PPFIA2: variants seen among roughly 807,000 people sequenced by gnomAD.
PPFIA2 encodes liprin-alpha-2.
PPFIA2 carries 46 observed loss-of-function variants against 175.5 expected under a neutral mutation model. That is an observed-to-expected ratio of 0.26 (90% CI 0.21 to 0.34). The LOEUF (loss-of-function observed/expected upper bound fraction) is 0.34. Ranked by LOEUF, PPFIA2 falls within the 10% of genes least tolerant of loss-of-function variation. The pLI, the probability that PPFIA2 is intolerant of heterozygous loss-of-function variation, is 1.00. For synonymous variants in PPFIA2, 568 were observed against 511.4 expected (o/e 1.11, Z -1.49); for missense variants, 1,179 against 1,506.1 (o/e 0.78, Z 3.60).
At chr12:81,576,749 T>A (rs1459469041) in intron 4 of PPFIA2, among the ~76,000 whole-genome samples, 2 of 151,822 alleles carry the variant, frequency 1.3e-5, no homozygotes, top group East Asian at 1.9e-4. Context: ...TTTTGAAAAC[T>A]TTTAGATAAT....
chr12:81,477,064 C>T (rs1023483674), intron 4 of PPFIA2, among the ~76,000 whole-genome samples: 4 of 151,648 alleles, frequency 2.6e-5, no homozygotes, highest in Admixed American at 6.6e-5. Context: ...TGGGTGGTAG[C>T]GGGGGAAGGG....
intron 4 of PPFIA2, among the ~76,000 whole-genome samples, chr12:81,610,876 G>A (rs2060828136): frequency 6.6e-6 from 1 of 152,178 alleles, no homozygotes; most frequent in Non-Finnish European, 1.5e-5. Flanking sequence ...AGTATAAGTT[G>A]AGTATAGTCA....
chr12:81,612,677 T>A (rs2061044737), intron 4 of PPFIA2, among the ~76,000 whole-genome samples: 1 of 152,196 alleles, frequency 6.6e-6, no homozygotes, highest in Non-Finnish European at 1.5e-5. Context: ...AATTTAAAAC[T>A]TCTGTTTATA....
intron 28 of PPFIA2, among the ~76,000 whole-genome samples, chr12:81,272,380 G>A (rs1487461045): frequency 6.6e-6 from 1 of 151,738 alleles, no homozygotes; most frequent in Non-Finnish European, 1.5e-5. Flanking sequence ...TATATCATTC[G>A]TCCTTTTTGT....
chr12:81,643,773 G>A (rs1791409816), intron 4 of PPFIA2, among the ~76,000 whole-genome samples: 1 of 151,902 alleles, frequency 6.6e-6, no homozygotes, highest in Middle Eastern at 3.2e-3. Flanking sequence ...ATTATTCTGC[G>A]ATTTTGTCGT....
intron 4 of PPFIA2, among the ~76,000 whole-genome samples, chr12:81,580,392 T>A (rs1050503048): frequency 2.6e-5 from 4 of 151,762 alleles, no homozygotes; most frequent in Non-Finnish European, 4.4e-5. Context: ...GATTCCATAC[T>A]AATAACTTTA....
rs141166954 is a variant in PPFIA2, at chr12:81,419,899, G to A, written c.646-13996C>T. On this transcript the variant is annotated intron_variant, in intron 7 of 32. Coordinates refer to ENST00000549396, the MANE Select transcript of PPFIA2 (RefSeq NM_003625.5). Reference sequence around the variant, plus strand: ...TTCACAGTTCAGACACAGGCACCAAGAAGAATCCCCTCTACCACAACTTCT... The same window carrying A: ...TTCACAGTTCAGACACAGGCACCAAAAAGAATCCCCTCTACCACAACTTCT... Among the ~76,000 whole-genome samples, 12 of 152,264 alleles carry A rather than the reference G, an allele frequency of 7.9e-5. No homozygotes were observed. The East Asian group carries it at 2.3e-3, about 29-fold the overall frequency.
intron 4 of PPFIA2, among the ~76,000 whole-genome samples, chr12:81,668,222 G>A (rs1423061369): frequency 6.6e-6 from 1 of 152,004 alleles, no homozygotes; most frequent in Non-Finnish European, 1.5e-5. Context: ...GCCCTAGCAG[G>A]CAGTCATCAT....
At chr12:81,489,942 G>A (rs2059252587) in intron 4 of PPFIA2, among the ~76,000 whole-genome samples, 1 of 151,824 alleles carries the variant, frequency 6.6e-6, no homozygotes, top group Non-Finnish European at 1.5e-5. Context: ...AGAAATGAAA[G>A]TTCTCTCTCT....
At chr12:81,715,340 T>A (rs899418304) in intron 3 of PPFIA2, among the ~76,000 whole-genome samples, 1 of 151,828 alleles carries the variant, frequency 6.6e-6, no homozygotes, top group African/African-American at 2.4e-5. Flanking sequence ...TACATGTTAA[T>A]ACATATTAAT....
chr12:81,468,381 T>C (rs2056119847), intron 4 of PPFIA2, among the ~76,000 whole-genome samples: 1 of 152,212 alleles, frequency 6.6e-6, no homozygotes, highest in South Asian at 2.1e-4. Context: ...GTAAGCATTG[T>C]AGTTAAAGCA....
chr12:81,333,798 T>C (rs2056595096), intron 21 of PPFIA2, among the ~76,000 whole-genome samples: 3 of 152,168 alleles, frequency 2.0e-5, no homozygotes, highest in Admixed American at 2.0e-4. Flanking sequence ...ATCAGATACC[T>C]GAGCTGTGGA....
At chr12:81,654,386 C>T (rs1316771797) in intron 4 of PPFIA2, among the ~76,000 whole-genome samples, 1 of 151,742 alleles carries the variant, frequency 6.6e-6, no homozygotes, top group Non-Finnish European at 1.5e-5. Flanking sequence ...TTTTAAAAGC[C>T]TACTAACATA....
intron 26 of PPFIA2, chr12:81,282,769 GAAAGA>G: frequency 3.1e-6 from 1 of 317,986 alleles, no homozygotes; most frequent in Non-Finnish European, 5.7e-6. Context: ...TTTTGAGAAA[GAAAGA>G]AAAGTACCCT....
intron 13 of PPFIA2, chr12:81,368,155 G>A: frequency 3.9e-6 from 5 of 1,288,014 alleles, no homozygotes; most frequent in Non-Finnish European, 5.1e-6. Flanking sequence ...TTGCTGGTCT[G>A]GTAGCTGCCA....
intron 17 of PPFIA2, among the ~76,000 whole-genome samples, chr12:81,349,298 T>A (rs2059617546): frequency 6.6e-6 from 1 of 152,216 alleles, no homozygotes; most frequent in Non-Finnish European, 1.5e-5. Flanking sequence ...TTAAAAATCT[T>A]ACAAAGTATG....
intron 3 of PPFIA2, among the ~76,000 whole-genome samples, chr12:81,721,276 T>C (rs2079295080): frequency 6.6e-6 from 1 of 151,338 alleles, no homozygotes; most frequent in African/African-American, 2.4e-5. Flanking sequence ...TCTTTAATGA[T>C]GGTTCTACTC....
At chr12:81,551,210 T>C (rs2067863484) in intron 4 of PPFIA2, among the ~76,000 whole-genome samples, 1 of 151,920 alleles carries the variant, frequency 6.6e-6, no homozygotes, top group African/African-American at 2.4e-5. Context: ...CAATAAAGTT[T>C]ATGGTATAAA....
chr12:81,613,643 G>T (rs552664263), intron 4 of PPFIA2, among the ~76,000 whole-genome samples: 1 of 152,202 alleles, frequency 6.6e-6, no homozygotes, highest in African/African-American at 2.4e-5. Context: ...AAATCTACAA[G>T]CATAATTCCT....
Sources: gnomAD v4.1 joint callset for allele counts (sites outside exome capture counted in the v4.1 genomes callset) on GRCh38, gnomAD v4.1.1 for gene constraint, MANE v1.5 for transcripts, NCBI Gene and HGNC (gene_info 2026-07-23, HGNC 2026-07-21) for gene names.